CFAP100: variants seen among roughly 807,000 people sequenced by gnomAD.
The protein encoded by CFAP100 is cilia and flagella associated protein 100.
A neutral mutation model predicts 81.5 loss-of-function variants in CFAP100; 70 were observed. The observed-to-expected ratio is 0.86, with a 90% CI of 0.71 to 1.05. The LOEUF (loss-of-function observed/expected upper bound fraction) is 1.05. Among genes scored for constraint, CFAP100 ranks in the 50% least tolerant of loss-of-function variants. The probability of loss-of-function intolerance (pLI) is 0.00; values close to 1 mark genes in which losing one functional copy is unlikely to be tolerated. For missense variants in CFAP100, 811 were observed against 776.5 expected, an observed-to-expected ratio of 1.04 and a Z score of -0.53; for synonymous variants, 341 against 314.8, an observed-to-expected ratio of 1.08 and a Z score of -0.88.
rs373366733 is a variant in CFAP100 at position 126,435,566 on chromosome 3, G to A, written c.1636G>A (p.Glu546Lys). The A allele has an allele frequency of 3.7e-6, 6 of 1,610,900 alleles. No individual in the cohort carries two copies. In the African/African-American group the frequency reaches 6.7e-5, roughly 18 times the overall value. ...KEKERRIRLR[E>K]EKLQMQKILQ... ...TCATTTCTTGCCACCCAGACTTCGA[G>A]AAGAGAAGCTCCAGATGCAAAAGAT... The change falls in exon 16 of 17, where the codon GAA (glutamate) becomes AAA (lysine). Residue 546 changes from glutamate (E) to lysine (K), a missense_variant. By Grantham distance (56) the Glu-to-Lys change is moderately conservative (BLOSUM62 1). Transcript: ENST00000352312.
intron 13 of CFAP100, among the ~76,000 whole-genome samples, chr3:126,432,262 G>A (rs1409410589): frequency 1.2e-4 from 15 of 122,852 alleles, no homozygotes; most frequent in South Asian, 2.6e-4. Context: ...CAGCCTGGGC[G>A]ACTGAGCAAG....
intron 4 of CFAP100, among the ~76,000 whole-genome samples, chr3:126,415,441 CCCCTCAGTCTGGCCCTG>C (rs1400143248): frequency 2.0e-5 from 3 of 152,052 alleles, no homozygotes; most frequent in African/African-American, 7.2e-5. Context: ...CGACAGGGTC[CCCCTCAGTCTGGCCCTG>C]CCCTCAGTCA....
At chr3:126,419,186 C>T (rs1485302733) in intron 8 of CFAP100, 30 bp downstream of exon 8, 2 of 1,417,418 alleles carry the variant, frequency 1.4e-6, no homozygotes, top group African/African-American at 2.8e-5. Context: ...TGGCCATTGG[C>T]TGGCCCACCT....
At chr3:126,418,236 C>T (rs993120261) in intron 5 of CFAP100, 21 of 567,332 alleles carry the variant, frequency 3.7e-5, no homozygotes, top group African/African-American at 5.6e-5. Context: ...ACTTCCCACG[C>T]GGCCGGACTC....
chr3:126,402,799 T>C (rs1345100602), intron 2 of CFAP100, among the ~76,000 whole-genome samples: 1 of 148,438 alleles, frequency 6.7e-6, no homozygotes, highest in Non-Finnish European at 1.5e-5. Flanking sequence ...TCCAGGAGTT[T>C]ACTGCCTGGG....
intron 13 of CFAP100, among the ~76,000 whole-genome samples, chr3:126,429,219 G>A (rs761188205): frequency 2.2e-4 from 33 of 151,446 alleles, no homozygotes; most frequent in Non-Finnish European, 2.4e-4. Flanking sequence ...TGTTAGGAGC[G>A]TTTTGATTAC....
At chr3:126,424,330 C>G (rs1481056661) in intron 13 of CFAP100, among the ~76,000 whole-genome samples, 1 of 152,218 alleles carries the variant, frequency 6.6e-6, no homozygotes, top group East Asian at 1.9e-4. Context: ...GGGGACAGGC[C>G]TAAAACACAG....
intron 2 of CFAP100, among the ~76,000 whole-genome samples, chr3:126,397,037 G>A (rs1232524642): frequency 6.6e-6 from 1 of 152,170 alleles, no homozygotes; most frequent in Non-Finnish European, 1.5e-5. Flanking sequence ...CCAGCTCAGT[G>A]CACATACAGG....
At position 126,412,253 on chromosome 3, in the gene CFAP100, C is replaced by T. The variant is rs531983479; in HGVS notation, c.131-1832C>T. Among the ~76,000 whole-genome samples the T allele has an allele frequency of 1.1e-4, 17 of 152,294 alleles. No individual in the cohort carries two copies. In the South Asian group the frequency reaches 2.7e-3, roughly 24 times the overall value. ...CTCTTCCTGCACTCCTTGTTCTGCC[C>T]CAACTCTCCTGCCTCCCAATTACAA... On this transcript the variant is annotated intron_variant, in intron 3 of 16. Coordinates refer to ENST00000352312, the MANE Select transcript of CFAP100 (RefSeq NM_182628.3).
At chr3:126,402,072 G>C (rs570950892) in intron 2 of CFAP100, among the ~76,000 whole-genome samples, 3 of 152,314 alleles carry the variant, frequency 2.0e-5, no homozygotes, top group Admixed American at 1.3e-4. Context: ...CAGGAAGGTA[G>C]GCATGGCACC....
chr3:126,400,376 A>G (rs2082954123), intron 2 of CFAP100, among the ~76,000 whole-genome samples: 1 of 152,148 alleles, frequency 6.6e-6, no homozygotes, highest in Non-Finnish European at 1.5e-5. Context: ...AAACAAAAAT[A>G]ACAGGTGTTG....
chr3:126,413,504 C>T (rs1316546489), intron 3 of CFAP100, among the ~76,000 whole-genome samples: 4 of 152,236 alleles, frequency 2.6e-5, no homozygotes, highest in East Asian at 1.9e-4. Flanking sequence ...GCATCAGCTC[C>T]GTCTCTGAAT....
Position 126,414,195 on chromosome 3 carries a change from A to G in CFAP100, c.225+16A>G, listed in dbSNP as rs778759164. ...GGCTCTCTCCGTGAGTATCCAGGAC[A>G]GACGCCAGCACCTCCGGGAGCTTCC... On this transcript the variant is annotated intron_variant, in intron 4 of 16. Transcript: ENST00000352312. 3 of 1,589,736 alleles carry G rather than the reference A, an allele frequency of 1.9e-6. No homozygotes were observed. Among genetic ancestry groups the G allele is most frequent in the Admixed American group, 3.3e-5 (2 of 59,994 alleles).
At chr3:126,398,437 G>A (rs2082922789) in intron 2 of CFAP100, among the ~76,000 whole-genome samples, 2 of 152,240 alleles carry the variant, frequency 1.3e-5, no homozygotes, top group Admixed American at 1.3e-4. Flanking sequence ...AGAAGGAGCA[G>A]GTTGGGAGAG....
intron 13 of CFAP100, among the ~76,000 whole-genome samples, chr3:126,423,953 T>C (rs903262496): frequency 7.9e-5 from 12 of 152,194 alleles, no homozygotes; most frequent in African/African-American, 2.9e-4. Flanking sequence ...TGGGAGGCCC[T>C]TGGAGTGGCT....
chr3:126,419,881 G>C (rs1179266813), intron 9 of CFAP100, 63 bp downstream of exon 9: 2 of 1,610,754 alleles, frequency 1.2e-6, no homozygotes, highest in Non-Finnish European at 8.5e-7. Flanking sequence ...GCGACCCTGA[G>C]CCCAGCTGGC....
rs779509260 is a variant in CFAP100, at chr3:126,420,136, TGCAGACGATGCG to T, written c.992_1003del (p.Gln331_Arg334del). 1.2e-6 allele frequency: 2 copies of T among 1,613,344 alleles called. No homozygotes were observed. The highest frequency in any genetic ancestry group is 1.7e-6 in the Non-Finnish European group (2 of 1,180,020). On this transcript the variant is annotated inframe_deletion, in exon 11 of 17. Coordinates refer to ENST00000352312, the MANE Select transcript of CFAP100 (RefSeq NM_182628.3). The stretch of plus-strand genomic sequence containing the variant: ...GGTACAAAGAAGCCCTGGAGGTTTC[TGCAGACGATGCG>T]GCTGGGGCGGAGCCCGTCTTACCTG...
intron 3 of CFAP100, among the ~76,000 whole-genome samples, chr3:126,411,139 T>C (rs2083146422): frequency 6.6e-6 from 1 of 152,240 alleles, no homozygotes; most frequent in Admixed American, 6.5e-5. Flanking sequence ...CATCTTTTGA[T>C]ATGATCATAT....
intron 2 of CFAP100, among the ~76,000 whole-genome samples, chr3:126,396,942 T>C (rs945164828): frequency 1.3e-5 from 2 of 152,170 alleles, no homozygotes; most frequent in African/African-American, 2.4e-5. Context: ...AAGCCCCTCA[T>C]TGTGAAAAGC....
Sources: allele counts gnomAD v4.1 joint callset (sites outside exome capture counted in the v4.1 genomes callset), GRCh38; gene constraint gnomAD v4.1.1; transcripts MANE v1.5; gene names NCBI Gene and HGNC (gene_info 2026-07-23, HGNC 2026-07-21).